Variants in ATP1A1 observed in about 807,000 individuals in gnomAD.
The protein encoded by ATP1A1 is ATPase Na+/K+ transporting subunit alpha 1, also known as sodium/potassium-transporting ATPase subunit alpha-1.
Under a neutral mutation model 114.8 loss-of-function variants are expected in ATP1A1, and 14 were observed. The ratio of observed to expected loss-of-function variants is 0.12; its 90% CI spans 0.08 to 0.19. The LOEUF (loss-of-function observed/expected upper bound fraction) is 0.19, where lower values mean the gene tolerates loss of function less well. ATP1A1 is among the 10% of genes least tolerant of loss of function. ATP1A1 has a pLI of 1.00. For synonymous variants in ATP1A1, 471 were observed against 466.3 expected (o/e 1.01, Z -0.13); for missense variants, 524 against 1,290.7 (o/e 0.41, Z 9.10).
rs1010605509 is a variant in ATP1A1 at position 116,404,581 on chromosome 1, C to T, written c.*137C>T. On this transcript the variant is annotated 3_prime_UTR_variant, in exon 23 of 23. Coordinates refer to ENST00000295598, the MANE Select transcript of ATP1A1 (RefSeq NM_000701.8). This position sits in a 1 kb window ranked among gnomAD's most constrained non-coding sequence, Gnocchi z 4.8. Reference sequence around the variant, plus strand: ...CACCGCAGCATGTGGGGAAGCAAGACGTCCTGGAATGAAGCATGTAGCTCT... The same window carrying T: ...CACCGCAGCATGTGGGGAAGCAAGATGTCCTGGAATGAAGCATGTAGCTCT... 29 of 1,395,280 alleles carry T rather than the reference C, an allele frequency of 2.1e-5. No individual in the cohort carries two copies. Among genetic ancestry groups the T allele is most frequent in the Non-Finnish European group, 2.2e-5 (24 of 1,076,398 alleles). 86.4% of individuals were successfully genotyped at this position (1,395,280 alleles called of 1,614,324 possible).
chr1:116,374,064 C>A, intron 1 of ATP1A1: 1 of 1,405,558 alleles, frequency 7.1e-7, no homozygotes, highest in South Asian at 1.6e-5. Flanking sequence ...CCGGTTCCGG[C>A]GGGGGCAGCC....
At chr1:116,392,712 T>G in intron 10 of ATP1A1, 142 bp from the exon 11 acceptor site, 1 of 1,031,330 alleles carries the variant, frequency 9.7e-7, no homozygotes. Context: ...CCTGTCCCAC[T>G]TAACACCGCT....
At chr1:116,383,237 C>A in intron 1 of ATP1A1, 1 of 371,326 alleles carries the variant, frequency 2.7e-6, no homozygotes, top group Non-Finnish European at 3.8e-6. Flanking sequence ...TATTTTCAGG[C>A]TACAGAATGG....
Position 116,389,132 on chromosome 1 carries a change from T to A in ATP1A1, c.754+113T>A. 9.0e-7 allele frequency: 1 copy of A among 1,108,164 alleles called. No homozygotes were observed. The highest frequency in any genetic ancestry group is 1.3e-6 in the Non-Finnish European group (1 of 747,882). The allele number at this position is 1,108,164 out of a possible 1,614,324, so 68.6% of individuals were successfully genotyped here. On this transcript the variant is annotated intron_variant, in intron 7 of 22. Coordinates refer to ENST00000295598, the MANE Select transcript of ATP1A1 (RefSeq NM_000701.8). This position sits in a 1 kb window ranked among gnomAD's most constrained non-coding sequence, Gnocchi z 6.9. ...TATTGGCTCCATTTCTGAGAACTTG[T>A]GTCAAGCACAGAGCAGAGGTGTTTT... is the stretch of plus-strand genomic sequence containing the variant.
At chr1:116,379,798 GA>G (rs1256683740) in intron 1 of ATP1A1, among the ~76,000 whole-genome samples, 1 of 152,162 alleles carries the variant, frequency 6.6e-6, no homozygotes, top group African/African-American at 2.4e-5. Flanking sequence ...TATCGACCAG[GA>G]AAATGAGAAA....
Position 116,387,351 on chromosome 1 carries a change from C to G in ATP1A1, c.247C>G (p.Pro83Ala). 8 of 1,614,172 alleles carry G rather than the reference C, an allele frequency of 5.0e-6. No individual in the cohort carries two copies. Among genetic ancestry groups the G allele is most frequent in the Non-Finnish European group, 6.8e-6 (8 of 1,180,026 alleles). ...AGATGGTCCCAACGCCCTCACTCCCCCTCCCACTACTCCTGAATGGATCAA... is the reference window on the plus strand; with the variant it reads ...AGATGGTCCCAACGCCCTCACTCCCGCTCCCACTACTCCTGAATGGATCAA... Reference protein sequence around the residue: ...ARDGPNALTPPPTTPEWIKFC... With the variant: ...ARDGPNALTPAPTTPEWIKFC... Residue 83 changes from proline (P) to alanine (A), a missense_variant, in exon 4 of 23, where the codon CCT (proline) becomes GCT (alanine). This residue lies in a region of ATP1A1 where 141 missense variants were observed against 316.6 expected (regional missense o/e 0.45). Transcript: ENST00000295598. The surrounding 1 kb of genome is among the most constrained non-coding windows in gnomAD (Gnocchi z 6.7).
chr1:116,374,006 G>T, intron 1 of ATP1A1: 1 of 1,325,040 alleles, frequency 7.5e-7, no homozygotes. Context: ...CCTTCCCCTG[G>T]GGCGCTCCGC....
chr1:116,390,681 G>C, intron 9 of ATP1A1, 101 bp from the exon 10 acceptor site: 1 of 989,836 alleles, frequency 1.0e-6, no homozygotes, highest in Non-Finnish European at 1.6e-6. Context: ...GAAATGAGAT[G>C]TATCACTGCA....
chr1:116,380,929 GA>G (rs112320858), intron 1 of ATP1A1, among the ~76,000 whole-genome samples: 1,776 of 144,856 alleles, frequency 0.012, 15 homozygotes, highest in Middle Eastern at 0.018. Context: ...ATGGAAGGGG[GA>G]AAAAAAAAAA....
intron 14 of ATP1A1, 133 bp downstream of exon 14, chr1:116,396,867 A>G: frequency 8.8e-7 from 1 of 1,139,900 alleles, no homozygotes; most frequent in Non-Finnish European, 1.2e-6. Context: ...ACTGCCAGAA[A>G]GCAACCTTGT....
chr1:116,386,249 A>G (rs1279538519), intron 3 of ATP1A1: 1 of 152,080 alleles, frequency 6.6e-6, no homozygotes, highest in Non-Finnish European at 1.5e-5. Context: ...CAACATGCCA[A>G]CAGTGACTCT....
At chr1:116,383,899 T>C in intron 1 of ATP1A1, 115 bp from the exon 2 acceptor site, 1 of 822,602 alleles carries the variant, frequency 1.2e-6, no homozygotes, top group Non-Finnish European at 2.0e-6. Flanking sequence ...ATTATCTTAA[T>C]GACTATTCCA....
intron 1 of ATP1A1, 124 bp downstream of exon 1, chr1:116,373,647 G>A (rs756684152): frequency 1.4e-5 from 16 of 1,150,360 alleles, no homozygotes; most frequent in Non-Finnish European, 1.8e-5. Flanking sequence ...CGTGGAGTGG[G>A]CTGGCAGAGC....
chr1:116,403,794 A>G, intron 21 of ATP1A1, 90 bp from the exon 22 acceptor site: 1 of 1,136,540 alleles, frequency 8.8e-7, no homozygotes, highest in Non-Finnish European at 1.3e-6. Flanking sequence ...CAGGCTGATT[A>G]TTTCATTGTC....
Position 116,395,031 on chromosome 1 carries a change from G to A in ATP1A1, c.1661-79G>A. On this transcript the variant is annotated intron_variant, in intron 12 of 22. Transcript: ENST00000295598. This position sits in a 1 kb window ranked among gnomAD's most constrained non-coding sequence, Gnocchi z 6.4. ...AAGTAAACACTCCAGAGAAAGGTAG[G>A]CGGGCTGAATAGGCTGCTGTTGTCC... 1 of 1,428,458 alleles carries A rather than the reference G, an allele frequency of 7.0e-7. No homozygotes were observed. The highest frequency in any genetic ancestry group is 2.4e-5 in the East Asian group (1 of 41,700). 88.5% of individuals were successfully genotyped at this position (1,428,458 alleles called of 1,614,324 possible).
Position 116,404,688 on chromosome 1 carries a change from T to G in ATP1A1, c.*244T>G. The G allele has an allele frequency of 7.8e-7, 1 of 1,283,708 alleles. No individual in the cohort carries two copies. Among genetic ancestry groups the G allele is most frequent in the South Asian group, 2.8e-5 (1 of 35,830 alleles). The allele number at this position is 1,283,708 out of a possible 1,614,324, so 79.5% of individuals were successfully genotyped here. ...GGAAGGTTTTTATGTGCCTTTTTGT[T>G]TTTGTAAAAAAGGAACACCCGGAAA... On this transcript the variant is annotated 3_prime_UTR_variant, in exon 23 of 23. Coordinates refer to ENST00000295598, the MANE Select transcript of ATP1A1 (RefSeq NM_000701.8). This position sits in a 1 kb window ranked among gnomAD's most constrained non-coding sequence, Gnocchi z 4.8.
Position 116,395,304 on chromosome 1 carries a change from C to G in ATP1A1, c.1836+19C>G. 6.2e-7 allele frequency: 1 copy of G among 1,611,996 alleles called. No homozygotes were observed. ...AATTAAGGTAGTGCCCAGGCGCCTC[C>G]TTGGCTTCATCTCTTAGTGCCTTGG... On this transcript the variant is annotated intron_variant, in intron 13 of 22. Transcript: ENST00000295598. The surrounding 1 kb of genome is among the most constrained non-coding windows in gnomAD (Gnocchi z 6.4).
rs773133722 is a variant in ATP1A1, at chr1:116,384,085, AG to A, written c.85del (p.Asp29ThrfsTer7). 1 of 1,613,970 alleles carries A rather than the reference AG, an allele frequency of 6.2e-7. No homozygotes were observed. On this transcript the variant is annotated frameshift_variant, in exon 2 of 23. Transcript: ENST00000295598. LOFTEE classifies it high-confidence loss of function. This position sits in a 1 kb window ranked among gnomAD's most constrained non-coding sequence, Gnocchi z 5.1. The stretch of plus-strand genomic sequence containing the variant: ...ATAAAAAGGGCAAAAAGGGCAAAAA[AG>A]ACAGGGACATGGATGAACTGAAGAA... ...GDKKGKKGKK[D>X]RDMDELKKEV...
In ATP1A1 at chr1:116,395,293, C is replaced by G; in HGVS notation, c.1836+8C>G. On this transcript the variant is annotated splice_region_variant and intron_variant, in intron 13 of 22. Transcript: ENST00000295598. The surrounding 1 kb of genome is among the most constrained non-coding windows in gnomAD (Gnocchi z 6.4). ...CGAAGTGCTGGAATTAAGGTAGTGC[C>G]CAGGCGCCTCCTTGGCTTCATCTCT... is the stretch of plus-strand genomic sequence containing the variant. 1.2e-6 allele frequency: 2 copies of G among 1,613,196 alleles called. No homozygotes were observed. Among genetic ancestry groups the G allele is most frequent in the Non-Finnish European group, 1.7e-6 (2 of 1,179,628 alleles).
Sources: gnomAD v4.1 joint callset for allele counts (sites outside exome capture counted in the v4.1 genomes callset) on GRCh38, gnomAD v4.1.1 for gene constraint, gnomAD v4.1.1 regional missense constraint, Gnocchi (gnomAD v3.1) non-coding constraint, MANE v1.5 for transcripts, NCBI Gene and HGNC (gene_info 2026-07-23, HGNC 2026-07-21) for gene names.